LAMB4: variants seen among roughly 807,000 people sequenced by gnomAD.
LAMB4 encodes laminin subunit beta 4, also known as laminin subunit beta-4.
Under a neutral mutation model 199.2 loss-of-function variants are expected in LAMB4, and 196 were observed. That is an observed-to-expected ratio of 0.98 (90% CI 0.88 to 1.11). The LOEUF (loss-of-function observed/expected upper bound fraction) is 1.11, where lower values mean the gene tolerates loss of function less well. Among genes scored for constraint, LAMB4 ranks in the 50% least tolerant of loss-of-function variants. The probability of loss-of-function intolerance (pLI) is 0.00; values close to 1 mark genes in which losing one functional copy is unlikely to be tolerated. For synonymous variants in LAMB4, 744 were observed against 770.6 expected (o/e 0.97, Z 0.57); for missense variants, 2,080 against 2,171.2 (o/e 0.96, Z 0.83).
chr7:108,120,571 T>C (rs1342878148), intron 2 of LAMB4, among the ~76,000 whole-genome samples: 2 of 152,270 alleles, frequency 1.3e-5, no homozygotes, highest in Non-Finnish European at 2.9e-5. Flanking sequence ...TGTGGTATAA[T>C]AAATGGTTAA....
At chr7:108,025,904 G>C (rs905214025) in intron 33 of LAMB4, among the ~76,000 whole-genome samples, 1 of 152,198 alleles carries the variant, frequency 6.6e-6, no homozygotes, top group Non-Finnish European at 1.5e-5. Context: ...ACCCTTCCTG[G>C]ATAACAGCAC....
At chr7:108,050,292 T>C (rs1368044973) in intron 26 of LAMB4, among the ~76,000 whole-genome samples, 2 of 152,190 alleles carry the variant, frequency 1.3e-5, no homozygotes, top group African/African-American at 4.8e-5. Flanking sequence ...ATTTTCTTCC[T>C]CAATCTTCAC....
In LAMB4 at chr7:108,116,015, T is replaced by A. The variant is rs758291583; in HGVS notation, c.181A>T (p.Ser61Cys). 1.9e-6 allele frequency: 3 copies of A among 1,611,538 alleles called. No homozygotes were observed. The highest frequency in any genetic ancestry group is 2.5e-6 in the Non-Finnish European group (3 of 1,178,438). ...AAGAGCCAACCCACCTCCAGGTAAC[T>A]GAGGATGCAGTATTTCTGGGCTCTG... The part of the protein sequence containing the change: ...LSRAQKYCIL[S>C]YLEGEQKCFI... Residue 61 changes from serine (S) to cysteine (C), a missense_variant, in exon 3 of 34, where the codon AGT (serine) becomes TGT (cysteine). By Grantham distance (112) the Ser-to-Cys change is moderately radical. Transcript: ENST00000388781.
At chr7:108,071,029 G>T (rs190798771) in intron 17 of LAMB4, among the ~76,000 whole-genome samples, 51 of 152,274 alleles carry the variant, frequency 3.3e-4, no homozygotes, top group Non-Finnish European at 5.9e-4. Flanking sequence ...AGTGGAAGAA[G>T]TGTCCCATTG....
At chr7:108,123,636 C>T (rs1036601862) in intron 1 of LAMB4, among the ~76,000 whole-genome samples, 17 of 152,178 alleles carry the variant, frequency 1.1e-4, no homozygotes, top group Admixed American at 2.6e-4. Context: ...CACTGCACTC[C>T]AGCGTGGGCA....
At chr7:108,056,974 A>C (rs2036004864) in intron 24 of LAMB4, among the ~76,000 whole-genome samples, 1 of 150,064 alleles carries the variant, frequency 6.7e-6, no homozygotes, top group Non-Finnish European at 1.5e-5. Flanking sequence ...CCTGTCTCAA[A>C]AAAAAAAAAA....
intron 18 of LAMB4, among the ~76,000 whole-genome samples, chr7:108,068,934 C>A (rs1176446378): frequency 6.6e-6 from 1 of 152,180 alleles, no homozygotes; most frequent in East Asian, 1.9e-4. Flanking sequence ...AATCCACCTG[C>A]CTCAGCCTCC....
At chr7:108,090,071 G>C (rs2037340570) in intron 14 of LAMB4, among the ~76,000 whole-genome samples, 3 of 152,074 alleles carry the variant, frequency 2.0e-5, no homozygotes, top group Admixed American at 2.0e-4. Flanking sequence ...CCTCTCTAAT[G>C]TTTTTTCCTC....
chr7:108,124,892 C>T (rs530148876), intron 1 of LAMB4, among the ~76,000 whole-genome samples: 2 of 152,170 alleles, frequency 1.3e-5, no homozygotes, highest in South Asian at 4.1e-4. Flanking sequence ...CACGCTGTTT[C>T]CTTTGCCTTG....
chr7:108,012,957 TCAC>T, the LAMB4 span, among the ~76,000 whole-genome samples: 4 of 152,184 alleles, frequency 2.6e-5, no homozygotes, highest in Non-Finnish European at 5.9e-5. Flanking sequence ...CCTTTCAGCC[TCAC>T]TGCCCAGGCA....
At chr7:108,085,127 C>T (rs1157868248) in intron 14 of LAMB4, among the ~76,000 whole-genome samples, 1 of 152,152 alleles carries the variant, frequency 6.6e-6, no homozygotes, top group Non-Finnish European at 1.5e-5. Context: ...AAAGACAGGA[C>T]AACGCACAGT....
At chr7:108,025,022 G>C (rs1315045986) in intron 33 of LAMB4, among the ~76,000 whole-genome samples, 1 of 152,180 alleles carries the variant, frequency 6.6e-6, no homozygotes, top group African/African-American at 2.4e-5. Context: ...TACCGAGTTG[G>C]TTTGGAGTAA....
At chr7:108,028,171 C>T (rs902990277) in intron 33 of LAMB4, among the ~76,000 whole-genome samples, 1 of 152,156 alleles carries the variant, frequency 6.6e-6, no homozygotes, top group Non-Finnish European at 1.5e-5. Context: ...TTCTGGGTTG[C>T]TATCCAAAGA....
rs1390440358 is a variant in LAMB4 at position 108,103,187 on chromosome 7, GT to G, written c.1036del (p.Thr346LeufsTer64). ...SHSSRCHFDM[T>X]TYLASGGLSG... ...GAGGCCACCGCTTGCCAGGTACGTA[GT>G]CATGTCAAAGTGACAGCGGCTGGAG... On this transcript the variant is annotated frameshift_variant, in exon 10 of 34. Coordinates refer to ENST00000388781, the MANE Select transcript of LAMB4 (RefSeq NM_007356.3). LOFTEE classifies it high-confidence loss of function. 9.4e-6 allele frequency: 15 copies of G among 1,594,836 alleles called. No homozygotes were observed. Among genetic ancestry groups the G allele is most frequent in the Non-Finnish European group, 7.7e-6 (9 of 1,170,190 alleles).
chr7:108,074,120 T>C (rs558147005), intron 17 of LAMB4, among the ~76,000 whole-genome samples: 130 of 152,256 alleles, frequency 8.5e-4, no homozygotes, highest in Admixed American at 1.4e-3. Context: ...TTCCTTCCCC[T>C]GTCCTCCCCT....
intron 33 of LAMB4, among the ~76,000 whole-genome samples, chr7:108,026,203 T>C (rs1212341633): frequency 6.6e-6 from 1 of 152,240 alleles, no homozygotes; most frequent in Non-Finnish European, 1.5e-5. Flanking sequence ...GTTCCCTTCA[T>C]TCTTGTGCAT....
At chr7:108,089,539 T>C (rs2037318318) in intron 14 of LAMB4, among the ~76,000 whole-genome samples, 1 of 152,254 alleles carries the variant, frequency 6.6e-6, no homozygotes, top group Non-Finnish European at 1.5e-5. Context: ...TCTATGTAAA[T>C]GTGTTAGCTG....
At chr7:108,046,502 T>C (rs2035630529) in intron 28 of LAMB4, among the ~76,000 whole-genome samples, 1 of 152,062 alleles carries the variant, frequency 6.6e-6, no homozygotes, top group Non-Finnish European at 1.5e-5. Context: ...TCAGAGGCTC[T>C]TTGCGTATTG....
At position 108,067,375 on chromosome 7, in the gene LAMB4, T is replaced by G. The variant is rs184402816; in HGVS notation, c.2446+641A>C. On this transcript the variant is annotated intron_variant, in intron 19 of 33. Coordinates refer to ENST00000388781, the MANE Select transcript of LAMB4 (RefSeq NM_007356.3). ...CCTACCTGTAGGTTTTCATGGTTCC[T>G]AAGGTAGGAATCTGAGGGAACAGTA... 1.1e-3 allele frequency among the ~76,000 whole-genome samples: 172 copies of G among 152,338 alleles called. 2 individuals are homozygous for G. Among genetic ancestry groups the G allele is most frequent in the South Asian group, 0.01 (50 of 4,826 alleles).
Sources: allele counts gnomAD v4.1 joint callset (sites outside exome capture counted in the v4.1 genomes callset), GRCh38; gene constraint gnomAD v4.1.1; transcripts MANE v1.5; gene names NCBI Gene and HGNC (gene_info 2026-07-23, HGNC 2026-07-21).